NMUR2: variants seen among roughly 807,000 people sequenced by gnomAD.
NMUR2 encodes neuromedin U receptor 2, also known as neuromedin-U receptor 2.
A neutral mutation model predicts 25.1 loss-of-function variants in NMUR2; 24 were observed. The ratio of observed to expected loss-of-function variants is 0.96; its 90% CI spans 0.69 to 1.34. The LOEUF is 1.34. Among genes scored for constraint, NMUR2 ranks in the 40% most tolerant of loss-of-function variants. NMUR2 has a pLI of 0.00. For missense variants in NMUR2, 533 were observed against 512.8 expected (o/e 1.04, Z -0.38); for synonymous variants, 218 against 208.1 (o/e 1.05, Z -0.41).
At position 152,395,398 on chromosome 5, in the gene NMUR2, T is replaced by C. The variant is rs1753130857; in HGVS notation, c.937+61A>G. 1.1e-5 allele frequency: 17 copies of C among 1,597,856 alleles called. No individual in the cohort carries two copies. In the Middle Eastern group the frequency reaches 5.0e-4, roughly 47 times the overall value. ...GGAGTACTTAGGCATCTAAGCAAGA[T>C]GAAGAAGAAGGTGCTGTTACCTGAA... On this transcript the variant is annotated intron_variant, in intron 3 of 3. Coordinates refer to ENST00000255262, the MANE Select transcript of NMUR2 (RefSeq NM_020167.5).
At chr5:152,394,906 C>T (rs1025157652) in intron 3 of NMUR2, among the ~76,000 whole-genome samples, 13 of 145,704 alleles carry the variant, frequency 8.9e-5, no homozygotes, top group East Asian at 2.0e-4. Context: ...AAGGCAGCCA[C>T]GTTCTCCAGA....
At chr5:152,397,723 G>A (rs1160407271) in intron 2 of NMUR2, among the ~76,000 whole-genome samples, 3 of 152,012 alleles carry the variant, frequency 2.0e-5, no homozygotes, top group Non-Finnish European at 2.9e-5. Flanking sequence ...GGCTGAGAAA[G>A]TGAATGTAAT....
Position 152,391,743 on chromosome 5 carries a change from C to A in NMUR2, c.*448G>T. On this transcript the variant is annotated 3_prime_UTR_variant, in exon 4 of 4. Coordinates refer to ENST00000255262, the MANE Select transcript of NMUR2 (RefSeq NM_020167.5). ...TAAAACAAGTTATGCCTGTAGACTG[C>A]TGCCAAGGGACACTGATGTTGGCTT... 1 of 156,944 alleles carries A rather than the reference C, an allele frequency of 6.4e-6. No homozygotes were observed. The highest frequency in any genetic ancestry group is 1.4e-5 in the Non-Finnish European group (1 of 70,680). The allele number at this position is 156,944 out of a possible 1,614,324, so 9.7% of individuals were successfully genotyped here.
chr5:152,396,159 T>C (rs967078575), intron 2 of NMUR2, among the ~76,000 whole-genome samples: 4 of 151,998 alleles, frequency 2.6e-5, no homozygotes, highest in Non-Finnish European at 5.9e-5. Flanking sequence ...CTGGTATTTC[T>C]GTAGTTTTTC....
intron 1 of NMUR2, among the ~76,000 whole-genome samples, chr5:152,402,610 G>A (rs374056779): frequency 1.6e-4 from 25 of 152,290 alleles, no homozygotes; most frequent in African/African-American, 5.8e-4. Flanking sequence ...AAGAGGAACT[G>A]TGCATTTCCT....
intron 1 of NMUR2, among the ~76,000 whole-genome samples, chr5:152,400,343 G>A (rs1753231619): frequency 1.3e-5 from 2 of 152,172 alleles, no homozygotes; most frequent in Non-Finnish European, 2.9e-5. Flanking sequence ...TGCAGGTAGA[G>A]TGCTTATCTC....
chr5:152,394,133 A>T (rs17545367), intron 3 of NMUR2, among the ~76,000 whole-genome samples: 22,941 of 152,014 alleles, frequency 0.15, 2,137 homozygotes, highest in Admixed American at 0.24. Context: ...CATCCAGAGA[A>T]TTGTAGTCAA....
intron 1 of NMUR2, among the ~76,000 whole-genome samples, chr5:152,403,645 T>C (rs1753295207): frequency 6.7e-6 from 1 of 149,802 alleles, no homozygotes; most frequent in African/African-American, 2.5e-5. Context: ...TATCTCTCAA[T>C]CTGCACCTGC....
chr5:152,396,221 CA>C, intron 2 of NMUR2, among the ~76,000 whole-genome samples: 1 of 110,768 alleles, frequency 9.0e-6, no homozygotes, highest in South Asian at 3.1e-4. Flanking sequence ...CACACACACA[CA>C]CACTTTTTTT....
intron 3 of NMUR2, among the ~76,000 whole-genome samples, chr5:152,393,098 G>A (rs1268877268): frequency 6.6e-6 from 1 of 152,070 alleles, no homozygotes; most frequent in Non-Finnish European, 1.5e-5. Context: ...TTTCCTGTTT[G>A]GAATACACTC....
intron 1 of NMUR2, 129 bp from the exon 2 acceptor site, chr5:152,398,273 C>G (rs1208547683): frequency 4.6e-6 from 3 of 652,358 alleles, no homozygotes; most frequent in Non-Finnish European, 8.0e-6. Context: ...AAATGTAAGA[C>G]TACGTCAAAT....
In NMUR2 at chr5:152,395,557, C is replaced by G. The variant is rs139160964; in HGVS notation, c.839G>C (p.Cys280Ser). Residue 280 changes from cysteine (C) to serine (S), a missense_variant, in exon 3 of 4, where the codon TGT becomes TCT. Cys to Ser is a moderately radical substitution (Grantham distance 112). Transcript: ENST00000255262. ...TCGGTCAATGTGGAACGGGGCCCAA[C>G]AGATAGCAAACACTAAGACCAAGAC... ...LFVLVLVFAI[C>S]WAPFHIDRLF... The G allele has an allele frequency of 6.2e-7, 1 of 1,613,472 alleles. No homozygotes were observed. The highest frequency in any genetic ancestry group is 1.3e-5 in the African/African-American group (1 of 74,804).
intron 2 of NMUR2, 56 bp from the exon 3 acceptor site, chr5:152,395,640 A>G: frequency 6.3e-7 from 1 of 1,586,248 alleles, no homozygotes; most frequent in African/African-American, 1.3e-5. Context: ...GGATAGGTAT[A>G]CAATGCTCAC....
In NMUR2 at chr5:152,391,660, A is replaced by G. The variant is rs1305822277; in HGVS notation, c.*531T>C. ...CAGATTTGCTCAACAGCATTGCCACAAACTTTCAATTTTTTTAAAAGTGCA... is the reference window on the plus strand; with the variant it reads ...CAGATTTGCTCAACAGCATTGCCACGAACTTTCAATTTTTTTAAAAGTGCA... On this transcript the variant is annotated 3_prime_UTR_variant, in exon 4 of 4. Coordinates refer to ENST00000255262, the MANE Select transcript of NMUR2 (RefSeq NM_020167.5). The G allele has an allele frequency of 6.5e-6, 1 of 153,384 alleles. No individual in the cohort carries two copies. Among genetic ancestry groups the G allele is most frequent in the African/African-American group, 2.4e-5 (1 of 41,456 alleles). The allele number at this position is 153,384 out of a possible 1,614,324, so 9.5% of individuals were successfully genotyped here.
Position 152,404,838 on chromosome 5 carries a change from G to T in NMUR2, c.276C>A (p.Leu92=). Residue 92 remains leucine, a synonymous_variant, in exon 1 of 4, where the codon CTC becomes CTA. Transcript: ENST00000255262. ...YYLFSLAVSD[L]LVLLLGMPLE... ...GGGGCATTCCAAGGAGCAGGACCAG[G>T]AGGTCAGAGACCGCCAGGCTGAAGA... 1.2e-6 allele frequency: 2 copies of T among 1,614,086 alleles called. No homozygotes were observed. Among genetic ancestry groups the T allele is most frequent in the African/African-American group, 1.3e-5 (1 of 75,018 alleles).
At chr5:152,392,587 C>T in intron 3 of NMUR2, 86 bp from the exon 4 acceptor site, 2 of 1,046,564 alleles carry the variant, frequency 1.9e-6, no homozygotes, top group South Asian at 1.5e-5. Flanking sequence ...TTACAAAGGC[C>T]TAGAATCCCT....
At chr5:152,403,777 G>A (rs1753298035) in intron 1 of NMUR2, among the ~76,000 whole-genome samples, 1 of 149,188 alleles carries the variant, frequency 6.7e-6, no homozygotes, top group Admixed American at 6.7e-5. Flanking sequence ...AATATATATA[G>A]TTTTATTTTG....
intron 3 of NMUR2, among the ~76,000 whole-genome samples, chr5:152,393,947 G>A (rs560810307): frequency 6.6e-6 from 1 of 152,158 alleles, no homozygotes; most frequent in East Asian, 1.9e-4. Context: ...TATGGTCTAT[G>A]AATAAAAATA....
At chr5:152,402,769 G>A (rs1255182037) in intron 1 of NMUR2, among the ~76,000 whole-genome samples, 5 of 152,156 alleles carry the variant, frequency 3.3e-5, no homozygotes, top group South Asian at 4.1e-4. Context: ...TGTGCAGGAC[G>A]TTCTTAAGAC....
Sources: gnomAD v4.1 joint callset for allele counts (sites outside exome capture counted in the v4.1 genomes callset) on GRCh38, gnomAD v4.1.1 for gene constraint, MANE v1.5 for transcripts, NCBI Gene and HGNC (gene_info 2026-07-23, HGNC 2026-07-21) for gene names.